Variants in HAUS8 observed in about 807,000 individuals in gnomAD.
The protein encoded by HAUS8 is HAUS augmin like complex subunit 8.
A neutral mutation model predicts 42.9 loss-of-function variants in HAUS8; 38 were observed. The observed-to-expected ratio is 0.89, with a 90% confidence interval of 0.68 to 1.16. The LOEUF (loss-of-function observed/expected upper bound fraction) is 1.16. Among genes scored for constraint, HAUS8 ranks in the 50% most tolerant of loss-of-function variants. The pLI is 0.00. For missense variants in HAUS8, 494 were observed against 511.6 expected (o/e 0.97, Z 0.33); for synonymous variants, 199 against 205.8 (o/e 0.97, Z 0.28).
chr19:17,072,949 CAAAAAAA>C (rs201634583), intron 2 of HAUS8, among the ~76,000 whole-genome samples: 2 of 84,792 alleles, frequency 2.4e-5, no homozygotes, highest in African/African-American at 9.6e-5. Context: ...GACCCCAACT[CAAAAAAA>C]AAAAAAAAAA....
intron 3 of HAUS8, 98 bp downstream of exon 3, chr19:17,068,933 G>A (rs538136352): frequency 3.8e-6 from 4 of 1,052,136 alleles, no homozygotes; most frequent in East Asian, 2.6e-5. Context: ...CTTCCTTCAG[G>A]ACCAGGTTGT....
Position 17,064,755 on chromosome 19 carries a change from G to A in HAUS8, c.148-1976C>T, listed in dbSNP as rs185202210. ...AAGTAAAACCTAAACTACAAAACTCGTACAAGAAAACAGGAGAAAAATCTG... is the reference window on the plus strand; with the variant it reads ...AAGTAAAACCTAAACTACAAAACTCATACAAGAAAACAGGAGAAAAATCTG... On this transcript the variant is annotated intron_variant, in intron 3 of 10. Transcript: ENST00000253669. 1.9e-4 allele frequency among the ~76,000 whole-genome samples: 29 copies of A among 152,238 alleles called. No homozygotes were observed. In the East Asian group the frequency reaches 4.6e-3, roughly 24 times the overall value.
At chr19:17,070,216 C>T (rs916437139) in intron 2 of HAUS8, among the ~76,000 whole-genome samples, 10 of 152,002 alleles carry the variant, frequency 6.6e-5, no homozygotes, top group Admixed American at 3.9e-4. Context: ...GACACACCAC[C>T]GCACCAGAAC....
intron 9 of HAUS8, chr19:17,055,130 AAAAAAAAAAAAAAATATATATATATAT>A (rs2057312709): frequency 2.8e-5 from 1 of 35,912 alleles, no homozygotes; most frequent in South Asian, 1.3e-3. Context: ...AAAAAAAAAA[AAAAAAAAAAAAAAATATATATATATAT>A]ATATATATAT....
intron 1 of HAUS8, chr19:17,074,789 A>G (rs1387614541): frequency 6.6e-6 from 1 of 152,358 alleles, no homozygotes; most frequent in Non-Finnish European, 1.5e-5. Flanking sequence ...CACAATCAAC[A>G]CTGGCAGAAT....
rs1354282229 is a variant in HAUS8 at position 17,055,961 on chromosome 19, G to A, written c.687C>T (p.Phe229=). Residue 229 remains phenylalanine (F), a synonymous_variant, in exon 9 of 11, where the codon TTC becomes TTT. Transcript: ENST00000253669. Reference sequence around the variant, plus strand: ...TGGCGAATGTCCTGTATTGCTCCTTGAAGCGTGTGGCCACTGCCTCGAAGG... The same window carrying A: ...TGGCGAATGTCCTGTATTGCTCCTTAAAGCGTGTGGCCACTGCCTCGAAGG... ...LSPFEAVATR[F]KEQYRTFATA... is the part of the protein sequence containing the mutation. 4 of 1,614,142 alleles carry A rather than the reference G, an allele frequency of 2.5e-6. No individual in the cohort carries two copies. The South Asian group carries it at 3.3e-5, about 13-fold the overall frequency.
At chr19:17,070,141 T>C (rs2057412773) in intron 2 of HAUS8, among the ~76,000 whole-genome samples, 1 of 151,374 alleles carries the variant, frequency 6.6e-6, no homozygotes, top group Non-Finnish European at 1.5e-5. Flanking sequence ...AGTTCTTTAT[T>C]CACCAGCTCC....
intron 1 of HAUS8, chr19:17,075,014 G>C (rs1039986954): frequency 3.6e-6 from 1 of 279,998 alleles, no homozygotes; most frequent in Non-Finnish European, 6.9e-6. Flanking sequence ...ACTGCATAAC[G>C]ATAATTCCAA....
chr19:17,050,416 CTGCTGCTGTGG>C (rs1330335223), intron 10 of HAUS8, among the ~76,000 whole-genome samples: 2 of 152,094 alleles, frequency 1.3e-5, no homozygotes, highest in African/African-American at 4.8e-5. Context: ...CAGTGCTGTG[CTGCTGCTGTGG>C]TGGGAGTATC....
At position 17,058,602 on chromosome 19, in the gene HAUS8, T is replaced by C. The variant is rs1424117796; in HGVS notation, c.592A>G (p.Arg198Gly). Residue 198 changes from arginine (R) to glycine (G), a missense_variant, in exon 8 of 11, where the codon AGG becomes GGG. Transcript: ENST00000253669. ...CGCTTCCTCTGAGAGAGGAGAAGCC[T>C]GCGCTTCAGCTCGTGGGCCTTTTTC... ...LQKKAHELKRRLLLSQRKREL... is the reference protein window; with the variant it reads ...LQKKAHELKRGLLLSQRKREL... 1 of 1,613,460 alleles carries C rather than the reference T, an allele frequency of 6.2e-7. No homozygotes were observed. Among genetic ancestry groups the C allele is most frequent in the Admixed American group, 1.7e-5 (1 of 59,804 alleles).
In HAUS8 at chr19:17,055,948, T is replaced by C; in HGVS notation, c.700A>G (p.Arg234Gly). The C allele has an allele frequency of 6.2e-7, 1 of 1,614,180 alleles. No homozygotes were observed. Among genetic ancestry groups the C allele is most frequent in the South Asian group, 1.1e-5 (1 of 91,090 alleles). ...GTGTCCAGGGCCGTGGCGAATGTCC[T>C]GTATTGCTCCTTGAAGCGTGTGGCC... ...AVATRFKEQY[R>G]TFATALDTTR... Residue 234 changes from arginine to glycine, a missense_variant, in exon 9 of 11, where the codon AGG (arginine) becomes GGG (glycine). Arg to Gly is a moderately radical substitution (Grantham distance 125). Transcript: ENST00000253669.
chr19:17,060,291 T>C, intron 4 of HAUS8, 199 bp from the exon 5 acceptor site: 3 of 538,922 alleles, frequency 5.6e-6, no homozygotes, highest in Non-Finnish European at 9.8e-6. Flanking sequence ...ATTTTTAAAG[T>C]ACCACTAGAA....
At chr19:17,053,968 C>A (rs1361828191) in intron 9 of HAUS8, among the ~76,000 whole-genome samples, 1 of 152,026 alleles carries the variant, frequency 6.6e-6, no homozygotes, top group Non-Finnish European at 1.5e-5. Flanking sequence ...GAGCCTGATG[C>A]AGGAAATTTC....
chr19:17,070,076 C>T (rs1277999004), intron 2 of HAUS8, among the ~76,000 whole-genome samples: 1 of 152,064 alleles, frequency 6.6e-6, no homozygotes, highest in Non-Finnish European at 1.5e-5. Context: ...CTTCCTCCTA[C>T]CTGCACTCTC....
chr19:17,059,504 A>G, intron 6 of HAUS8, 53 bp downstream of exon 6: 1 of 1,275,498 alleles, frequency 7.8e-7, no homozygotes, highest in Non-Finnish European at 1.1e-6. Flanking sequence ...AGTGGACTCT[A>G]AATCAGATCT....
chr19:17,067,456 T>C (rs937747694), intron 3 of HAUS8, among the ~76,000 whole-genome samples: 1 of 152,118 alleles, frequency 6.6e-6, no homozygotes, highest in Non-Finnish European at 1.5e-5. Context: ...AGCTTGATTA[T>C]AGAGGCGGTT....
At chr19:17,058,400 C>T (rs1397435713) in intron 8 of HAUS8, 149 bp downstream of exon 8, 1 of 720,050 alleles carries the variant, frequency 1.4e-6, no homozygotes, top group Non-Finnish European at 2.2e-6. Context: ...AGACCAACAC[C>T]AGGACCAGAG....
rs2057297957 is a variant in HAUS8 at position 17,053,057 on chromosome 19, A to G, written c.788-91T>C. On this transcript the variant is annotated intron_variant, in intron 9 of 10. Coordinates refer to ENST00000253669, the MANE Select transcript of HAUS8 (RefSeq NM_033417.2). ...GAGCGGCCGACAGACTTCTGTCATGATGCTCGGCTATCGCGCTGGAACCGT... is the reference window on the plus strand; with the variant it reads ...GAGCGGCCGACAGACTTCTGTCATGGTGCTCGGCTATCGCGCTGGAACCGT... 10 of 1,483,318 alleles carry G rather than the reference A, an allele frequency of 6.7e-6. No homozygotes were observed. The South Asian group carries it at 1.2e-4, about 17-fold the overall frequency. 91.9% of individuals were successfully genotyped at this position (1,483,318 alleles called of 1,614,324 possible). A position where few individuals can be genotyped will look rare whatever the true frequency, so the allele number is the denominator to read the frequency against.
In HAUS8 at chr19:17,075,410, A is replaced by G; in HGVS notation, c.13T>C (p.Ser5Pro). The stretch of plus-strand genomic sequence containing the variant: ...CCAACTCACCCAGCGCCTCGCCCCG[A>G]GGAATCCGCCATTTTCCCGCCTTCC... The part of the protein sequence containing the change: MADS[S>P]GRGAGKPATG... Residue 5 changes from serine to proline, a missense_variant, in exon 1 of 11, where the codon TCG becomes CCG. By Grantham distance (74) the Ser-to-Pro change is moderately conservative. Transcript: ENST00000253669. 1 of 1,613,816 alleles carries G rather than the reference A, an allele frequency of 6.2e-7. No individual in the cohort carries two copies. The highest frequency in any genetic ancestry group is 1.6e-4 in the Middle Eastern group (1 of 6,062).
Sources: allele counts gnomAD v4.1 joint callset (sites outside exome capture counted in the v4.1 genomes callset), GRCh38; gene constraint gnomAD v4.1.1; transcripts MANE v1.5; gene names NCBI Gene and HGNC (gene_info 2026-07-23, HGNC 2026-07-21).